IMPG1: variants seen among roughly 807,000 people sequenced by gnomAD.
The protein encoded by IMPG1 is interphotoreceptor matrix proteoglycan 1, also known as interphotoreceptor matrix proteoglycan of 150 kDa.
IMPG1 carries 85 observed loss-of-function variants against 92.0 expected under a neutral mutation model. The ratio of observed to expected loss-of-function variants is 0.92; its 90% CI spans 0.78 to 1.11. IMPG1 has a LOEUF of 1.11. Among genes scored for constraint, IMPG1 ranks in the 50% least tolerant of loss-of-function variants. IMPG1 has a pLI of 0.00. For synonymous variants in IMPG1, 367 were observed against 334.1 expected (o/e 1.10, Z -1.08); for missense variants, 1,022 against 956.0 (o/e 1.07, Z -0.91).
intron 1 of IMPG1, among the ~76,000 whole-genome samples, chr6:76,063,068 G>A (rs1363515293): frequency 6.6e-6 from 1 of 151,956 alleles, no homozygotes; most frequent in African/African-American, 2.4e-5. Context: ...GCCAGGCATG[G>A]TGGCAGGCAC....
In IMPG1 at chr6:75,922,018, C is replaced by A; in HGVS notation, c.*71G>T. 1.4e-6 allele frequency: 1 copy of A among 727,230 alleles called. No homozygotes were observed. The allele number at this position is 727,230 out of a possible 1,614,324, so 45.0% of individuals were successfully genotyped here. On this transcript the variant is annotated 3_prime_UTR_variant, in exon 17 of 17. Coordinates refer to ENST00000369950, the MANE Select transcript of IMPG1 (RefSeq NM_001563.4). ...TTTGATGACCCATGAATATGCCTGTCTCCATTTTCCTTGAGAAGGCAAATC... is the reference window on the plus strand; with the variant it reads ...TTTGATGACCCATGAATATGCCTGTATCCATTTTCCTTGAGAAGGCAAATC...
At chr6:75,974,676 T>C (rs898709226) in intron 12 of IMPG1, among the ~76,000 whole-genome samples, 2 of 151,438 alleles carry the variant, frequency 1.3e-5, no homozygotes, top group Non-Finnish European at 2.9e-5. Context: ...CAACCATGCC[T>C]GGCTAATTTT....
chr6:76,019,895 G>A (rs1156735845), intron 6 of IMPG1, among the ~76,000 whole-genome samples: 1 of 152,166 alleles, frequency 6.6e-6, no homozygotes, highest in South Asian at 2.1e-4. Flanking sequence ...TGAAGAAGAT[G>A]GGACAGAGGG....
At position 76,007,484 on chromosome 6, in the gene IMPG1, C is replaced by A; in HGVS notation, c.883G>T (p.Asp295Tyr). ...AAAACTTAAAGTCCAAATTACCCAT[C>A]TTTTTCTTTCTTTGGTCTTCATTTC... ...VLGFRPKKEKDGSSSTEMQLT... is the reference protein window; with the variant it reads ...VLGFRPKKEKYGSSSTEMQLT... Residue 295 changes from aspartate to tyrosine, a missense_variant, in exon 9 of 17, where the codon GAT (aspartate) becomes TAT (tyrosine). Physicochemically the swap from Asp to Tyr is radical, Grantham distance 160. Transcript: ENST00000369950. The A allele has an allele frequency of 1.3e-6, 2 of 1,597,660 alleles. No homozygotes were observed. The highest frequency in any genetic ancestry group is 1.7e-6 in the Non-Finnish European group (2 of 1,169,852).
chr6:76,003,995 CT>C (rs755758525), intron 10 of IMPG1, 45 bp from the exon 11 acceptor site: 62 of 1,471,464 alleles, frequency 4.2e-5, no homozygotes, highest in African/African-American at 1.4e-4. Flanking sequence ...TTTCCTTTTT[CT>C]TTTGTGGTTG....
intron 16 of IMPG1, 135 bp downstream of exon 16, chr6:75,923,499 C>G: frequency 1.6e-6 from 1 of 614,276 alleles, no homozygotes. Context: ...AAAATGTCAC[C>G]CCCTTAAAAC....
At chr6:76,018,633 T>G in intron 7 of IMPG1, 85 bp downstream of exon 7, 1 of 1,232,522 alleles carries the variant, frequency 8.1e-7, no homozygotes, top group Non-Finnish European at 1.1e-6. Flanking sequence ...AAGCTGGAAC[T>G]GTTCGCCGTA....
At chr6:76,055,858 T>C (rs1784112530) in intron 1 of IMPG1, among the ~76,000 whole-genome samples, 1 of 152,086 alleles carries the variant, frequency 6.6e-6, no homozygotes, top group Admixed American at 6.6e-5. Flanking sequence ...TAACTTACTA[T>C]AACTCAAAAA....
intron 12 of IMPG1, among the ~76,000 whole-genome samples, chr6:75,954,813 T>C (rs990914127): frequency 6.6e-6 from 1 of 152,232 alleles, no homozygotes; most frequent in Non-Finnish European, 1.5e-5. Context: ...AGGGGTCCAG[T>C]TTCAGTCTTC....
chr6:76,019,158 C>T (rs1354085439), intron 6 of IMPG1, among the ~76,000 whole-genome samples: 4 of 152,120 alleles, frequency 2.6e-5, no homozygotes, highest in Non-Finnish European at 2.9e-5. Flanking sequence ...TGGCTAAGAA[C>T]GGAGGCATGG....
intron 14 of IMPG1, among the ~76,000 whole-genome samples, chr6:75,947,076 T>C (rs1490766291): frequency 1.3e-5 from 2 of 152,226 alleles, no homozygotes; most frequent in African/African-American, 2.4e-5. Flanking sequence ...AGCTCTCAGA[T>C]TGTGCAACAA....
intron 13 of IMPG1, among the ~76,000 whole-genome samples, chr6:75,949,792 G>A (rs578243079): frequency 3.0e-4 from 46 of 152,254 alleles, no homozygotes; most frequent in African/African-American, 1.1e-3. Flanking sequence ...ATGTTCACTT[G>A]AGAAATTGGG....
chr6:75,968,940 G>C (rs540003669), intron 12 of IMPG1, among the ~76,000 whole-genome samples: 3 of 152,128 alleles, frequency 2.0e-5, no homozygotes, highest in Admixed American at 6.5e-5. Context: ...AGTGTTCATC[G>C]ATGAATGACT....
At chr6:76,016,702 T>C (rs1395192082) in intron 7 of IMPG1, among the ~76,000 whole-genome samples, 1 of 152,232 alleles carries the variant, frequency 6.6e-6, no homozygotes, top group African/African-American at 2.4e-5. Flanking sequence ...GTAAGATTCG[T>C]GTGCACTCCT....
chr6:76,056,293 T>C (rs1784119469), intron 1 of IMPG1, among the ~76,000 whole-genome samples: 1 of 152,106 alleles, frequency 6.6e-6, no homozygotes, highest in Non-Finnish European at 1.5e-5. Context: ...GATTAAAAAC[T>C]CAACAAATTA....
chr6:75,974,397 T>TTGC (rs1384914258), intron 12 of IMPG1, among the ~76,000 whole-genome samples: 16 of 81,184 alleles, frequency 2.0e-4, no homozygotes, highest in African/African-American at 7.0e-4. Flanking sequence ...CTTTCTTTTC[T>TTGC]TTCTTTCCTT....
chr6:75,989,339 A>C (rs1782776416), intron 12 of IMPG1, among the ~76,000 whole-genome samples: 1 of 152,216 alleles, frequency 6.6e-6, no homozygotes, highest in African/African-American at 2.4e-5. Flanking sequence ...ACAAAAAGGG[A>C]GGCACATAAT....
chr6:76,024,879 A>G, intron 5 of IMPG1: 1 of 423,986 alleles, frequency 2.4e-6, no homozygotes, highest in South Asian at 1.8e-5. Context: ...AATGATACAA[A>G]CTCTAAGTAA....
intron 12 of IMPG1, among the ~76,000 whole-genome samples, chr6:75,986,133 T>C (rs1281269429): frequency 2.0e-5 from 3 of 152,156 alleles, no homozygotes; most frequent in Non-Finnish European, 4.4e-5. Context: ...TTTTGGTACT[T>C]TGGTACTTTA....
Sources: allele counts gnomAD v4.1 joint callset (sites outside exome capture counted in the v4.1 genomes callset), GRCh38; gene constraint gnomAD v4.1.1; transcripts MANE v1.5; gene names NCBI Gene and HGNC (gene_info 2026-07-23, HGNC 2026-07-21).